The following GRID2 variants were observed in gnomAD, a reference collection of about 807,000 sequenced individuals.
GRID2 encodes the protein glutamate ionotropic receptor delta type subunit 2.
In GRID2, 33 loss-of-function variants were observed where a neutral mutation model predicts 114.8. That is an observed-to-expected ratio of 0.29 (90% CI 0.22 to 0.38). The LOEUF (loss-of-function observed/expected upper bound fraction) is 0.38, where lower values mean the gene tolerates loss of function less well. Among genes scored for constraint, GRID2 ranks in the 10% least tolerant of loss-of-function variants. The probability of loss-of-function intolerance (pLI) is 1.00; values close to 1 mark genes in which losing one functional copy is unlikely to be tolerated. For synonymous variants in GRID2, 505 were observed against 449.9 expected, an observed-to-expected ratio of 1.12 and a Z score of -1.55; for missense variants, 1,184 against 1,257.7, an observed-to-expected ratio of 0.94 and a Z score of 0.89.
intron 1 of GRID2, among the ~76,000 whole-genome samples, chr4:92,349,589 TATA>T (rs1727959304): frequency 6.6e-6 from 1 of 151,660 alleles, no homozygotes; most frequent in Non-Finnish European, 1.5e-5. Context: ...TAAAATATTT[TATA>T]ATAAGCAACT....
intron 13 of GRID2, among the ~76,000 whole-genome samples, chr4:93,522,257 A>T (rs1293745096): frequency 6.6e-6 from 1 of 152,168 alleles, no homozygotes; most frequent in Admixed American, 6.5e-5. Flanking sequence ...ACCAAAGTGT[A>T]AGCAGCAGGG....
intron 1 of GRID2, among the ~76,000 whole-genome samples, chr4:92,308,932 A>C (rs187159245): frequency 1.3e-5 from 2 of 152,054 alleles, no homozygotes; most frequent in Non-Finnish European, 2.9e-5. Context: ...TGGCTTTACT[A>C]TTCTTCTCTG....
intron 4 of GRID2, among the ~76,000 whole-genome samples, chr4:93,113,588 A>G (rs144511970): frequency 7.9e-5 from 12 of 152,348 alleles, no homozygotes; most frequent in African/African-American, 2.6e-4. Flanking sequence ...CAATGACAAC[A>G]AAGATCCCAT....
At chr4:93,329,428 A>G (rs1049591209) in intron 8 of GRID2, among the ~76,000 whole-genome samples, 2 of 152,176 alleles carry the variant, frequency 1.3e-5, no homozygotes, top group African/African-American at 4.8e-5. Flanking sequence ...TGTTAATAAT[A>G]ATATGTCTAA....
At chr4:93,462,818 T>C (rs1171594383) in intron 11 of GRID2, among the ~76,000 whole-genome samples, 1 of 152,184 alleles carries the variant, frequency 6.6e-6, no homozygotes, top group Non-Finnish European at 1.5e-5. Flanking sequence ...GCTAAAGCCA[T>C]TTCTTTATAT....
In GRID2 at chr4:93,094,417, T is replaced by G. The variant is rs1356494608; in HGVS notation, c.529+9138T>G. 3.9e-5 allele frequency among the ~76,000 whole-genome samples: 6 copies of G among 152,060 alleles called. No homozygotes were observed. In the East Asian group the frequency reaches 7.7e-4, roughly 20 times the overall value. ...AAGCTAAGAGACTAAAAAAAAGTCA[T>G]TCTTTATTTTGGTTAATTTTGTTTT... On this transcript the variant is annotated intron_variant, in intron 3 of 15. Transcript: ENST00000282020.
chr4:92,832,119 T>C (rs1414620830), intron 2 of GRID2, among the ~76,000 whole-genome samples: 2 of 151,648 alleles, frequency 1.3e-5, no homozygotes, highest in Non-Finnish European at 2.9e-5. Context: ...TATCAACTTA[T>C]GAAAATAAAA....
chr4:93,268,419 C>T (rs1751090416), intron 8 of GRID2, among the ~76,000 whole-genome samples: 1 of 152,110 alleles, frequency 6.6e-6, no homozygotes, highest in African/African-American at 2.4e-5. Context: ...GGCCCCATCT[C>T]CAAATATATT....
intron 8 of GRID2, among the ~76,000 whole-genome samples, chr4:93,291,468 G>C (rs72874922): frequency 1.3e-5 from 2 of 152,076 alleles, no homozygotes; most frequent in Non-Finnish European, 2.9e-5. Flanking sequence ...AGTGTCTGAC[G>C]TATAGTAAAC....
intron 8 of GRID2, among the ~76,000 whole-genome samples, chr4:93,265,879 T>G (rs778832874): frequency 6.6e-6 from 1 of 152,172 alleles, no homozygotes; most frequent in Non-Finnish European, 1.5e-5. Flanking sequence ...TCTTGTTGCA[T>G]TTGTAGGATT....
intron 13 of GRID2, among the ~76,000 whole-genome samples, chr4:93,546,209 T>C (rs1733193441): frequency 1.3e-5 from 2 of 152,072 alleles, no homozygotes; most frequent in African/African-American, 4.8e-5. Context: ...TTTGGAGGAG[T>C]GAACTAAGAC....
chr4:93,659,855 T>TCCCGGGAGGCGGAGCTTGCAGTGAGCC (rs1723330645), intron 14 of GRID2, among the ~76,000 whole-genome samples: 1 of 152,106 alleles, frequency 6.6e-6, no homozygotes, highest in African/African-American at 2.4e-5. Context: ...ATATAAGATC[T>TCCCGGGAGGCGGAGCTTGCAGTGAGCC]GACCCTTTTG....
At chr4:93,079,234 C>T (rs1473518450) in intron 2 of GRID2, among the ~76,000 whole-genome samples, 2 of 151,852 alleles carry the variant, frequency 1.3e-5, no homozygotes, top group Non-Finnish European at 2.9e-5. Context: ...TCAATACTTT[C>T]TAGGTTCTTC....
At chr4:92,314,427 G>T (rs530194895) in intron 1 of GRID2, among the ~76,000 whole-genome samples, 2 of 152,006 alleles carry the variant, frequency 1.3e-5, no homozygotes, top group Non-Finnish European at 2.9e-5. Context: ...TCCTCTGAGT[G>T]CATTCTGTTA....
chr4:92,607,019 C>CAGT (rs1438205706), intron 2 of GRID2, among the ~76,000 whole-genome samples: 2 of 151,972 alleles, frequency 1.3e-5, no homozygotes, highest in African/African-American at 4.8e-5. Context: ...TTCCAAAAGG[C>CAGT]AGTAAGTCTG....
At chr4:93,118,622 T>C (rs758099301) in intron 4 of GRID2, among the ~76,000 whole-genome samples, 3 of 152,154 alleles carry the variant, frequency 2.0e-5, no homozygotes, top group Non-Finnish European at 4.4e-5. Context: ...ACTGGTCAAA[T>C]AGGTTGTTAG....
chr4:92,817,722 G>C (rs1741002697), intron 2 of GRID2, among the ~76,000 whole-genome samples: 2 of 150,344 alleles, frequency 1.3e-5, no homozygotes, highest in Admixed American at 6.6e-5. Flanking sequence ...TTGGAGAGAT[G>C]GTGTCTCACT....
At position 93,061,198 on chromosome 4, in the gene GRID2, T is replaced by TTTTG. The variant is rs199596724; in HGVS notation, c.245-23794_245-23793insGTTT. Reference sequence around the variant, plus strand: ...TATATATTCATCAGGTTTTTCTTGTTTTTTTTTTTTTTTTAATGCCTAACA... The same window carrying TTTTG: ...TATATATTCATCAGGTTTTTCTTGTTTTTGTTTTTTTTTTTTTTAATGCCTAACA... On this transcript the variant is annotated intron_variant, in intron 2 of 15. Coordinates refer to ENST00000282020, the MANE Select transcript of GRID2 (RefSeq NM_001510.4). 2.1e-3 allele frequency among the ~76,000 whole-genome samples: 265 copies of TTTTG among 123,546 alleles called. 10 individuals carry two copies. The highest frequency in any genetic ancestry group is 1.7e-3 in the Non-Finnish European group (94 of 56,052). 81.1% of individuals were successfully genotyped at this position (123,546 alleles called of 152,430 possible). A position where few individuals can be genotyped will look rare whatever the true frequency, so the allele number is the denominator to read the frequency against.
intron 8 of GRID2, among the ~76,000 whole-genome samples, chr4:93,252,785 C>A (rs928618965): frequency 6.6e-6 from 1 of 151,998 alleles, no homozygotes; most frequent in African/African-American, 2.4e-5. Context: ...TCGTTCACTT[C>A]CCTTGTTAGC....
Sources: gnomAD v4.1 joint callset for allele counts (sites outside exome capture counted in the v4.1 genomes callset) on GRCh38, gnomAD v4.1.1 for gene constraint, MANE v1.5 for transcripts, NCBI Gene and HGNC (gene_info 2026-07-23, HGNC 2026-07-21) for gene names.